The following FAR2 variants were observed in gnomAD, a reference collection of about 807,000 sequenced individuals.
FAR2 encodes the protein epididymis secretory protein Li 81.
FAR2 carries 19 observed loss-of-function variants against 56.0 expected under a neutral mutation model. The ratio of observed to expected loss-of-function variants is 0.34; its 90% CI spans 0.24 to 0.50. FAR2 has a LOEUF of 0.50. Among genes scored for constraint, FAR2 ranks in the 20% least tolerant of loss-of-function variants. The probability of loss-of-function intolerance (pLI) is 0.98; values close to 1 mark genes in which losing one functional copy is unlikely to be tolerated. For missense variants in FAR2, 508 were observed against 642.2 expected, an observed-to-expected ratio of 0.79 and a Z score of 2.26; for synonymous variants, 219 against 218.8, an observed-to-expected ratio of 1.00 and a Z score of -0.01.
chr12:29,284,295 G>C lies in FAR2; in HGVS notation c.190-9005G>C, dbSNP rs112906088. ...GTAAAGTATATAGTTTGAGTACTTA[G>C]TATATAAGAGAAGAGTTAGAATGAG... On this transcript the variant is annotated intron_variant, in intron 2 of 11. Transcript: ENST00000536681. Among the ~76,000 whole-genome samples, 969 of 152,320 alleles carry C rather than the reference G, an allele frequency of 6.4e-3. 12 individuals carry two copies. The highest frequency in any genetic ancestry group is 0.022 in the African/African-American group (904 of 41,572).
At chr12:29,285,587 G>A (rs1948861076) in intron 2 of FAR2, among the ~76,000 whole-genome samples, 2 of 151,752 alleles carry the variant, frequency 1.3e-5, no homozygotes, top group African/African-American at 4.8e-5. Flanking sequence ...AGGAAGGAAG[G>A]AAAAAAATCT....
intron 2 of FAR2, among the ~76,000 whole-genome samples, chr12:29,285,130 C>T (rs1948852587): frequency 6.6e-6 from 1 of 152,156 alleles, no homozygotes; most frequent in African/African-American, 2.4e-5. Flanking sequence ...CGTGAGCCAC[C>T]GCGCCCGGCC....
chr12:29,220,919 C>G (rs1322109464), intron 1 of FAR2, among the ~76,000 whole-genome samples: 1 of 152,132 alleles, frequency 6.6e-6, no homozygotes, highest in Non-Finnish European at 1.5e-5. Flanking sequence ...TATATGTTGG[C>G]ATACTTCTGG....
At chr12:29,218,142 G>T (rs1346925597) in intron 1 of FAR2, among the ~76,000 whole-genome samples, 2 of 152,088 alleles carry the variant, frequency 1.3e-5, no homozygotes, top group Non-Finnish European at 2.9e-5. Flanking sequence ...GGATCACAAG[G>T]TCAGGAGATC....
chr12:29,275,399 G>A (rs1948694048), intron 2 of FAR2, among the ~76,000 whole-genome samples: 1 of 152,156 alleles, frequency 6.6e-6, no homozygotes, highest in Admixed American at 6.5e-5. Flanking sequence ...GCAGGAACCG[G>A]CCATCTGGAT....
chr12:29,210,811 G>A (rs1369202443), intron 1 of FAR2, among the ~76,000 whole-genome samples: 1 of 152,162 alleles, frequency 6.6e-6, no homozygotes, highest in Non-Finnish European at 1.5e-5. Flanking sequence ...ACTTAATCGG[G>A]TGCGGTGGCA....
At chr12:29,180,435 A>G (rs1259243790) in intron 1 of FAR2, among the ~76,000 whole-genome samples, 1 of 152,070 alleles carries the variant, frequency 6.6e-6, no homozygotes, top group East Asian at 1.9e-4. Context: ...CAGGGTCCCA[A>G]ACTGCCCTCT....
chr12:29,164,581 C>G (rs927314059), intron 1 of FAR2, among the ~76,000 whole-genome samples: 1 of 152,082 alleles, frequency 6.6e-6, no homozygotes, highest in Non-Finnish European at 1.5e-5. Flanking sequence ...CCCCGGCTGG[C>G]CCTGCAGAGA....
chr12:29,190,559 G>A (rs1950095077), intron 1 of FAR2, among the ~76,000 whole-genome samples: 2 of 152,080 alleles, frequency 1.3e-5, no homozygotes, highest in Non-Finnish European at 2.9e-5. Context: ...CCGACTCCCG[G>A]GTTAGAGGGA....
chr12:29,267,201 T>C (rs1948531483), intron 1 of FAR2, among the ~76,000 whole-genome samples: 1 of 152,172 alleles, frequency 6.6e-6, no homozygotes, highest in African/African-American at 2.4e-5. Context: ...AAAATGGGTA[T>C]ACAAAATGTA....
chr12:29,225,960 G>A (rs1319005514), intron 1 of FAR2, among the ~76,000 whole-genome samples: 1 of 152,164 alleles, frequency 6.6e-6, no homozygotes, highest in Non-Finnish European at 1.5e-5. Flanking sequence ...AGACTATATG[G>A]CTCTGGAGAT....
chr12:29,157,142 A>ATATATT (rs1289279461), intron 1 of FAR2, among the ~76,000 whole-genome samples: 7 of 137,788 alleles, frequency 5.1e-5, no homozygotes, highest in African/African-American at 1.6e-4. Flanking sequence ...ATATATATAT[A>ATATATT]TATGTATCAA....
chr12:29,241,193 T>C (rs1296312421), intron 1 of FAR2, among the ~76,000 whole-genome samples: 1 of 152,212 alleles, frequency 6.6e-6, no homozygotes, highest in African/African-American at 2.4e-5. Context: ...ACACATATAA[T>C]GTATGTGTGT....
intron 10 of FAR2, 37 bp downstream of exon 10, chr12:29,321,961 T>C (rs747821691): frequency 6.3e-7 from 1 of 1,581,284 alleles, no homozygotes; most frequent in Admixed American, 1.8e-5. Context: ...AGGAAAATGC[T>C]ACTCACTTGG....
chr12:29,289,719 A>G (rs1225981670), intron 2 of FAR2, among the ~76,000 whole-genome samples: 1 of 152,234 alleles, frequency 6.6e-6, no homozygotes, highest in Admixed American at 6.5e-5. Flanking sequence ...AAGCTTCTAC[A>G]CAGCAAAGGA....
At chr12:29,207,045 G>A (rs889449921) in intron 1 of FAR2, among the ~76,000 whole-genome samples, 9 of 152,036 alleles carry the variant, frequency 5.9e-5, no homozygotes, top group African/African-American at 2.2e-4. Flanking sequence ...GAGAAAGTTG[G>A]TGTGAGAGAA....
At chr12:29,242,132 G>T (rs1295188664) in intron 1 of FAR2, among the ~76,000 whole-genome samples, 8 of 152,172 alleles carry the variant, frequency 5.3e-5, no homozygotes, top group African/African-American at 1.9e-4. Flanking sequence ...ACGACTTCAA[G>T]ACTTCTGAGG....
intron 8 of FAR2, 66 bp from the exon 9 acceptor site, chr12:29,316,775 G>T (rs749345267): frequency 2.5e-5 from 37 of 1,492,990 alleles, no homozygotes; most frequent in Middle Eastern, 1.8e-4. Flanking sequence ...CATTACAAAT[G>T]CTTTCCACTA....
intron 1 of FAR2, among the ~76,000 whole-genome samples, chr12:29,253,307 CTA>C (rs1195010989): frequency 4.6e-5 from 6 of 131,492 alleles, no homozygotes; most frequent in East Asian, 2.1e-4. Flanking sequence ...AGATAGATAT[CTA>C]TATATCTATA....
Sources: gnomAD v4.1 joint callset for allele counts (sites outside exome capture counted in the v4.1 genomes callset) on GRCh38, gnomAD v4.1.1 for gene constraint, MANE v1.5 for transcripts, NCBI Gene and HGNC (gene_info 2026-07-23, HGNC 2026-07-21) for gene names.